ERO1A: variants seen among roughly 807,000 people sequenced by gnomAD.
The protein encoded by ERO1A is endoplasmic reticulum oxidoreductase 1 alpha.
ERO1A carries 49 observed loss-of-function variants against 76.9 expected under a neutral mutation model. The observed-to-expected ratio is 0.64, with a 90% CI of 0.51 to 0.81. The LOEUF (loss-of-function observed/expected upper bound fraction) is 0.81, where lower values mean the gene tolerates loss of function less well. ERO1A is among the 30% of genes least tolerant of loss of function. ERO1A has a pLI of 0.00. For missense variants in ERO1A, 448 were observed against 542.1 expected (o/e 0.83, Z 1.72); for synonymous variants, 174 against 181.2 (o/e 0.96, Z 0.32).
chr14:52,652,107 C>A, intron 13 of ERO1A, 132 bp downstream of exon 13: 1 of 439,556 alleles, frequency 2.3e-6, no homozygotes. Flanking sequence ...GCTGGAATTA[C>A]AGGCCTGAGC....
In ERO1A at chr14:52,672,158, T is replaced by C. The variant is rs534005960; in HGVS notation, c.358-287A>G. 1.6e-4 allele frequency: 35 copies of C among 213,020 alleles called. 1 individual carries two copies. The East Asian group carries it at 4.3e-3, about 26-fold the overall frequency. The allele number at this position is 213,020 out of a possible 1,614,324, so 13.2% of individuals were successfully genotyped here. On this transcript the variant is annotated intron_variant, in intron 4 of 15. Coordinates refer to ENST00000395686, the MANE Select transcript of ERO1A (RefSeq NM_014584.3). The stretch of plus-strand genomic sequence containing the variant: ...TGTCTCTACTAAAAATACAAAAAAT[T>C]AGCAGGGCGTGGTGGCAGGCGCCTG...
chr14:52,683,766 A>T, intron 2 of ERO1A, 22 bp downstream of exon 2: 1 of 1,121,774 alleles, frequency 8.9e-7, no homozygotes, highest in Admixed American at 2.9e-5. Context: ...ATTCATATAT[A>T]AAAAATTAAA....
intron 13 of ERO1A, among the ~76,000 whole-genome samples, chr14:52,650,081 T>TAG (rs199662474): frequency 0.016 from 2,388 of 152,096 alleles, 32 homozygotes; most frequent in Non-Finnish European, 0.027. Context: ...TAGCAGGGCA[T>TAG]AGTGGTGCCA....
chr14:52,645,993 G>A (rs1049440144), intron 15 of ERO1A, among the ~76,000 whole-genome samples, 161 bp downstream of exon 15: 6 of 152,050 alleles, frequency 3.9e-5, no homozygotes, highest in East Asian at 3.9e-4. Context: ...CCGAGATCAC[G>A]CCACTGCACT....
At chr14:52,657,859 A>T in intron 11 of ERO1A, 58 bp downstream of exon 11, 1 of 1,275,540 alleles carries the variant, frequency 7.8e-7, no homozygotes, top group South Asian at 1.3e-5. Context: ...TGCCAGGAAA[A>T]TTTTAAGAAT....
At chr14:52,674,981 C>T (rs2040730719) in intron 4 of ERO1A, among the ~76,000 whole-genome samples, 2 of 152,190 alleles carry the variant, frequency 1.3e-5, no homozygotes. Flanking sequence ...AGGAGGTATA[C>T]TGATGCCAGC....
intron 13 of ERO1A, among the ~76,000 whole-genome samples, chr14:52,650,052 A>G (rs2039803470): frequency 6.6e-6 from 1 of 152,074 alleles, no homozygotes; most frequent in African/African-American, 2.4e-5. Context: ...CCCCAACTCA[A>G]CAAAAAAATT....
At chr14:52,652,091 C>T (rs749879649) in intron 13 of ERO1A, 148 bp downstream of exon 13, 1 of 430,914 alleles carries the variant, frequency 2.3e-6, no homozygotes, top group Admixed American at 4.2e-5. Context: ...CTCAGCCTCC[C>T]AAAGTGCTGG....
At chr14:52,667,748 G>A (rs2040460015) in intron 6 of ERO1A, among the ~76,000 whole-genome samples, 1 of 152,022 alleles carries the variant, frequency 6.6e-6, no homozygotes, top group Non-Finnish European at 1.5e-5. Context: ...TAGTCCTCCA[G>A]TGGCTTTGGG....
intron 8 of ERO1A, 25 bp from the exon 9 acceptor site, chr14:52,661,329 T>G: frequency 7.1e-7 from 1 of 1,414,886 alleles, no homozygotes; most frequent in Non-Finnish European, 9.4e-7. Context: ...AAAATGTTTA[T>G]TAAAATAAAT....
At chr14:52,688,085 C>A (rs1234172137) in intron 1 of ERO1A, among the ~76,000 whole-genome samples, 1 of 151,940 alleles carries the variant, frequency 6.6e-6, no homozygotes, top group Non-Finnish European at 1.5e-5. Flanking sequence ...ACTTAGGAGG[C>A]TAAGGTGGGA....
chr14:52,666,600 A>C (rs1395514136), intron 6 of ERO1A, 105 bp from the exon 7 acceptor site: 2 of 1,055,650 alleles, frequency 1.9e-6, no homozygotes, highest in African/African-American at 3.3e-5. Context: ...CAAATATAAC[A>C]ATGTGTCAGG....
chr14:52,674,830 T>C (rs1333596045), intron 4 of ERO1A, among the ~76,000 whole-genome samples: 3 of 152,234 alleles, frequency 2.0e-5, no homozygotes, highest in Non-Finnish European at 4.4e-5. Flanking sequence ...TTTGTCAACA[T>C]TCAGCAAATG....
intron 9 of ERO1A, 34 bp from the exon 10 acceptor site, chr14:52,658,184 G>GA: frequency 1.4e-6 from 2 of 1,419,052 alleles, no homozygotes; most frequent in Non-Finnish European, 1.9e-6. Flanking sequence ...CATAAGAATA[G>GA]AAAAATGCCA....
intron 9 of ERO1A, among the ~76,000 whole-genome samples, chr14:52,660,934 C>G (rs1359767531): frequency 6.6e-6 from 1 of 152,130 alleles, no homozygotes; most frequent in African/African-American, 2.4e-5. Context: ...CTCATCATGC[C>G]CAGAACCTTC....
rs747053396 is a variant in ERO1A at position 52,640,799 on chromosome 14, C to T, written c.*2771G>A. ...AGAATATAATGGTTCTAAAATTAAC[C>T]AAAGTAAGGGACACAGGCATTAGAG... is the stretch of plus-strand genomic sequence containing the variant. On this transcript the variant is annotated 3_prime_UTR_variant, in exon 16 of 16. Coordinates refer to ENST00000395686, the MANE Select transcript of ERO1A (RefSeq NM_014584.3). 1.3e-5 allele frequency: 2 copies of T among 151,920 alleles called. No homozygotes were observed. Among genetic ancestry groups the T allele is most frequent in the African/African-American group, 2.4e-5 (1 of 41,334 alleles). The allele number at this position is 151,920 out of a possible 1,614,324, so 9.4% of individuals were successfully genotyped here.
chr14:52,643,700 G>T, intron 15 of ERO1A, 70 bp from the exon 16 acceptor site: 1 of 796,382 alleles, frequency 1.3e-6, no homozygotes, highest in Non-Finnish European at 1.9e-6. Context: ...TATTCACTTT[G>T]CATTTTAAAA....
At chr14:52,669,280 A>C (rs1594828162) in intron 6 of ERO1A, among the ~76,000 whole-genome samples, 1 of 152,224 alleles carries the variant, frequency 6.6e-6, no homozygotes, top group East Asian at 1.9e-4. Flanking sequence ...CTGGTGCTGC[A>C]CATTGTAGTC....
In ERO1A at chr14:52,646,170, A is replaced by G. The variant is rs753087683; in HGVS notation, c.1330T>C (p.Phe444Leu). 6.2e-7 allele frequency: 1 copy of G among 1,611,306 alleles called. No individual in the cohort carries two copies. The highest frequency in any genetic ancestry group is 1.1e-5 in the South Asian group (1 of 90,182). ...HLTRQEIVSLFNAFGRISTSV... is the reference protein window; with the variant it reads ...HLTRQEIVSLLNAFGRISTSV... ...CAAACTAACCTTCCAAATGCGTTGAATAATGATACTATTTCTTGTCTGGTT... is the reference window on the plus strand; with the variant it reads ...CAAACTAACCTTCCAAATGCGTTGAGTAATGATACTATTTCTTGTCTGGTT... Residue 444 changes from phenylalanine to leucine, a missense_variant, in exon 15 of 16, where the codon TTC (phenylalanine) becomes CTC (leucine). By Grantham distance (22) the Phe-to-Leu change is conservative. This residue lies in a region of ERO1A where 302 missense variants were observed against 411.9 expected (regional missense o/e 0.73). Coordinates refer to ENST00000395686, the MANE Select transcript of ERO1A (RefSeq NM_014584.3).
Sources: gnomAD v4.1 joint callset for allele counts (sites outside exome capture counted in the v4.1 genomes callset) on GRCh38, gnomAD v4.1.1 for gene constraint, gnomAD v4.1.1 regional missense constraint, MANE v1.5 for transcripts, NCBI Gene and HGNC (gene_info 2026-07-23, HGNC 2026-07-21) for gene names.